MYO6: variants seen among roughly 807,000 people sequenced by gnomAD.
The protein encoded by MYO6 is myosin VI, also known as unconventional myosin-VI.
Under a neutral mutation model 178.7 loss-of-function variants are expected in MYO6, and 74 were observed. The observed-to-expected ratio is 0.41, with a 90% CI of 0.34 to 0.50. The LOEUF (loss-of-function observed/expected upper bound fraction) is 0.50, where lower values mean the gene tolerates loss of function less well. MYO6 is among the 20% of genes least tolerant of loss of function. The pLI is 0.09. For missense variants in MYO6, 1,330 were observed against 1,547.4 expected (o/e 0.86, Z 2.36); for synonymous variants, 477 against 504.6 (o/e 0.95, Z 0.73).
chr6:75,777,164 G>A (rs1311871887), intron 1 of MYO6, among the ~76,000 whole-genome samples: 4 of 152,124 alleles, frequency 2.6e-5, no homozygotes, highest in Non-Finnish European at 5.9e-5. Context: ...TCATAACTGT[G>A]ATGGATGAGA....
At chr6:75,808,719 C>T (rs889720873) in intron 1 of MYO6, among the ~76,000 whole-genome samples, 2 of 152,156 alleles carry the variant, frequency 1.3e-5, no homozygotes, top group South Asian at 2.1e-4. Context: ...AAGGATGCAC[C>T]TGTGACTCAG....
chr6:75,865,645 G>A (rs1444804472), intron 16 of MYO6, among the ~76,000 whole-genome samples: 1 of 152,062 alleles, frequency 6.6e-6, no homozygotes, highest in Non-Finnish European at 1.5e-5. Context: ...GATTATAGGT[G>A]TGTGCCACCA....
chr6:75,797,319 C>T (rs185673516), intron 1 of MYO6, among the ~76,000 whole-genome samples: 75 of 152,270 alleles, frequency 4.9e-4, no homozygotes, highest in African/African-American at 1.7e-3. Flanking sequence ...TCTCGAACTC[C>T]CGACCTCAAG....
chr6:75,751,994 T>G (rs1776939588), intron 1 of MYO6, among the ~76,000 whole-genome samples: 1 of 151,736 alleles, frequency 6.6e-6, no homozygotes, highest in Admixed American at 6.6e-5. Flanking sequence ...GTTTATTTAT[T>G]CTTTTTTTTT....
At chr6:75,908,087 A>G (rs892888227) in intron 31 of MYO6, among the ~76,000 whole-genome samples, 1 of 152,166 alleles carries the variant, frequency 6.6e-6, no homozygotes, top group Non-Finnish European at 1.5e-5. Context: ...ATTTCTCACT[A>G]CACTTTCCTC....
chr6:75,907,511 C>T (rs542359165), intron 30 of MYO6, 94 bp from the exon 31 acceptor site: 26 of 950,256 alleles, frequency 2.7e-5, no homozygotes, highest in South Asian at 6.8e-5. Context: ...TAGCTGTTTC[C>T]GGTTTTCAAA....
chr6:75,888,834 A>G (rs1003327487), intron 25 of MYO6, among the ~76,000 whole-genome samples: 2 of 152,204 alleles, frequency 1.3e-5, no homozygotes, highest in African/African-American at 4.8e-5. Context: ...CTTCATAGAT[A>G]CGATAATGTA....
chr6:75,884,862 A>T (rs1246187543), intron 23 of MYO6, among the ~76,000 whole-genome samples: 4 of 152,176 alleles, frequency 2.6e-5, no homozygotes, highest in African/African-American at 4.8e-5. Flanking sequence ...CTGTGATGTT[A>T]TACCTGGGAG....
chr6:75,766,503 T>C (rs1326432212), intron 1 of MYO6, among the ~76,000 whole-genome samples: 1 of 152,138 alleles, frequency 6.6e-6, no homozygotes, highest in Non-Finnish European at 1.5e-5. Context: ...ATTGTTTATT[T>C]CAGTTTGTGA....
chr6:75,817,746 T>G (rs1771428547), intron 2 of MYO6, 82 bp downstream of exon 2: 1 of 1,168,118 alleles, frequency 8.6e-7, no homozygotes, highest in South Asian at 1.2e-5. Flanking sequence ...TCTGTCTTCT[T>G]AATGAGGTAG....
At chr6:75,766,184 G>A (rs1459352612) in intron 1 of MYO6, among the ~76,000 whole-genome samples, 1 of 152,136 alleles carries the variant, frequency 6.6e-6, no homozygotes, top group Non-Finnish European at 1.5e-5. Flanking sequence ...TTAGCTGGGC[G>A]GGGTGGCGGG....
At chr6:75,775,128 A>G (rs2150032995) in intron 1 of MYO6, among the ~76,000 whole-genome samples, 1 of 152,244 alleles carries the variant, frequency 6.6e-6, no homozygotes, top group East Asian at 1.9e-4. Flanking sequence ...TTATCCTTTG[A>G]TATTATCATT....
At chr6:75,836,077 T>A in intron 7 of MYO6, 121 bp downstream of exon 7, 2 of 740,628 alleles carry the variant, frequency 2.7e-6, no homozygotes, top group Non-Finnish European at 2.5e-6. Context: ...TACTAATCAT[T>A]GCTCATATAT....
At chr6:75,803,323 A>G (rs1769677657) in intron 1 of MYO6, among the ~76,000 whole-genome samples, 1 of 151,886 alleles carries the variant, frequency 6.6e-6, no homozygotes, top group African/African-American at 2.4e-5. Context: ...TAACTATACC[A>G]GTTAAGTTAG....
chr6:75,866,610 T>G lies in MYO6; in HGVS notation c.1759T>G (p.Cys587Gly). ...TATCAGGCATTTTGCGGGGGCAGTG[T>G]GCTATGAAACAGTGAGTATAACTTT... The part of the protein sequence containing the change: ...FIIRHFAGAV[C>G]YETTQFVEKN... The change falls in exon 17 of 35, where the codon TGC becomes GGC. Residue 587 changes from cysteine (C) to glycine (G), a missense_variant. Physicochemically the swap from Cys to Gly is radical, Grantham distance 159. Coordinates refer to ENST00000369977, the MANE Select transcript of MYO6 (RefSeq NM_004999.4). 3 of 1,613,552 alleles carry G rather than the reference T, an allele frequency of 1.9e-6. No homozygotes were observed. Among genetic ancestry groups the G allele is most frequent in the Non-Finnish European group, 2.5e-6 (3 of 1,179,476 alleles).
chr6:75,801,418 G>A (rs555263346), intron 1 of MYO6, among the ~76,000 whole-genome samples: 6 of 152,226 alleles, frequency 3.9e-5, no homozygotes, highest in African/African-American at 9.6e-5. Flanking sequence ...GGTGAGTAGC[G>A]ACTGGTTTTA....
At chr6:75,759,420 C>G (rs1181329744) in intron 1 of MYO6, among the ~76,000 whole-genome samples, 1 of 152,070 alleles carries the variant, frequency 6.6e-6, no homozygotes, top group East Asian at 1.9e-4. Context: ...CAGAAATTAC[C>G]AGAGCAGAAA....
chr6:75,781,974 C>T (rs10943287), intron 1 of MYO6, among the ~76,000 whole-genome samples: 8,707 of 147,348 alleles, frequency 0.059, 342 homozygotes, highest in Non-Finnish European at 0.084. Flanking sequence ...GGCGTGTCAC[C>T]TAAACCACGT....
intron 30 of MYO6, among the ~76,000 whole-genome samples, chr6:75,900,747 A>G (rs564122509): frequency 1.4e-4 from 22 of 151,742 alleles, no homozygotes; most frequent in African/African-American, 4.4e-4. Context: ...ATTAGATCCC[A>G]TTTGTCAATT....
Sources: allele counts gnomAD v4.1 joint callset (sites outside exome capture counted in the v4.1 genomes callset), GRCh38; gene constraint gnomAD v4.1.1; transcripts MANE v1.5; gene names NCBI Gene and HGNC (gene_info 2026-07-23, HGNC 2026-07-21).